C6: variants seen among roughly 807,000 people sequenced by gnomAD.
C6 encodes the protein complement component C6.
Under a neutral mutation model 112.9 loss-of-function variants are expected in C6, and 101 were observed. That is an observed-to-expected ratio of 0.89 (90% CI 0.76 to 1.06). The LOEUF is 1.06. Ranked by LOEUF, C6 falls within the 50% of genes least tolerant of loss-of-function variation. C6 has a pLI of 0.00. For missense variants in C6, 1,202 were observed against 1,104.6 expected (o/e 1.09, Z -1.25); for synonymous variants, 431 against 384.1 (o/e 1.12, Z -1.43).
intron 15 of C6, among the ~76,000 whole-genome samples, chr5:41,150,816 GGCAGAGGTT>G (rs1326141023): frequency 1.3e-5 from 2 of 151,824 alleles, no homozygotes; most frequent in Non-Finnish European, 1.5e-5. Context: ...GAACCCGGGA[GGCAGAGGTT>G]GCAGTGAGCC....
chr5:41,222,921 CCTAA>C (rs1356993325), intron 1 of C6, among the ~76,000 whole-genome samples: 5 of 152,252 alleles, frequency 3.3e-5, no homozygotes, highest in African/African-American at 9.6e-5. Flanking sequence ...AATTTAATAT[CCTAA>C]CTGTGTTCAT....
chr5:41,258,088 A>G (rs536095862), intron 1 of C6, among the ~76,000 whole-genome samples: 1 of 152,268 alleles, frequency 6.6e-6, no homozygotes, highest in Admixed American at 6.5e-5. Context: ...TGGTCTTCAC[A>G]AGCAAAAATT....
chr5:41,260,177 A>C (rs1741958457), intron 1 of C6, among the ~76,000 whole-genome samples: 1 of 152,096 alleles, frequency 6.6e-6, no homozygotes, highest in African/African-American at 2.4e-5. Flanking sequence ...CTATAAGCTT[A>C]TTATAAGGTA....
chr5:41,219,004 T>A (rs191760971), intron 1 of C6, among the ~76,000 whole-genome samples: 27 of 152,320 alleles, frequency 1.8e-4, no homozygotes, highest in African/African-American at 5.8e-4. Context: ...CTAACTAGGA[T>A]GTATTTTATG....
chr5:41,208,375 C>T (rs979973097), intron 1 of C6, among the ~76,000 whole-genome samples: 5 of 152,018 alleles, frequency 3.3e-5, no homozygotes, highest in Non-Finnish European at 7.4e-5. Flanking sequence ...AAGATCAGAG[C>T]AGAACTGAAG....
intron 9 of C6, among the ~76,000 whole-genome samples, chr5:41,166,498 A>G (rs558451424): frequency 2.0e-4 from 30 of 152,280 alleles, no homozygotes; most frequent in Non-Finnish European, 2.9e-4. Context: ...CAAGAGTTCA[A>G]TAAATGTTAA....
intron 12 of C6, 26 bp from the exon 13 acceptor site, chr5:41,158,811 G>T: frequency 8.0e-7 from 1 of 1,254,562 alleles, no homozygotes; most frequent in Non-Finnish European, 1.2e-6. Context: ...AAATATGTGT[G>T]TATATGTATG....
intron 1 of C6, among the ~76,000 whole-genome samples, chr5:41,260,511 T>C (rs923320105): frequency 2.2e-4 from 33 of 149,126 alleles, no homozygotes; most frequent in Non-Finnish European, 4.4e-4. Context: ...GGCTCATGCT[T>C]GTAATCCCAG....
intron 1 of C6, among the ~76,000 whole-genome samples, chr5:41,240,316 T>G (rs555519261): frequency 1.5e-4 from 23 of 152,140 alleles, no homozygotes; most frequent in African/African-American, 5.1e-4. Flanking sequence ...CCCTGAGCAG[T>G]GTACACAGCC....
chr5:41,205,426 G>T (rs531259272), intron 1 of C6, among the ~76,000 whole-genome samples: 2 of 152,312 alleles, frequency 1.3e-5, no homozygotes, highest in South Asian at 4.1e-4. Flanking sequence ...GCGGGACATC[G>T]CCTCACCTGG....
chr5:41,216,411 T>A (rs1752197078), upstream of C6, among the ~76,000 whole-genome samples: 2 of 152,160 alleles, frequency 1.3e-5, no homozygotes, highest in African/African-American at 4.8e-5. Context: ...ATTCTCTTCC[T>A]ACACCCATCT....
intron 8 of C6, among the ~76,000 whole-genome samples, chr5:41,173,344 T>G (rs1748585737): frequency 6.6e-6 from 1 of 152,206 alleles, no homozygotes; most frequent in Admixed American, 6.6e-5. Flanking sequence ...GTGATCATTC[T>G]CAATGGCCTC....
At chr5:41,258,343 T>C (rs1741845026) in intron 1 of C6, among the ~76,000 whole-genome samples, 2 of 152,040 alleles carry the variant, frequency 1.3e-5, no homozygotes, top group African/African-American at 4.8e-5. Flanking sequence ...TTGTTTTTTG[T>C]TTTTATTTTT....
chr5:41,219,241 C>T (rs1402909013), intron 1 of C6, among the ~76,000 whole-genome samples: 1 of 152,004 alleles, frequency 6.6e-6, no homozygotes, highest in Non-Finnish European at 1.5e-5. Context: ...GATTCTTTAC[C>T]TCCTAGGGTG....
chr5:41,239,015 T>A (rs954129016), intron 1 of C6, among the ~76,000 whole-genome samples: 2 of 152,118 alleles, frequency 1.3e-5, no homozygotes, highest in Admixed American at 6.5e-5. Flanking sequence ...GGGGTAAATG[T>A]AACATTTTGT....
At chr5:41,226,751 T>C (rs1283389374) in intron 1 of C6, among the ~76,000 whole-genome samples, 1 of 152,182 alleles carries the variant, frequency 6.6e-6, no homozygotes, top group Non-Finnish European at 1.5e-5. Flanking sequence ...TGTAGTGTCC[T>C]CCAGGTTCAT....
intron 17 of C6, among the ~76,000 whole-genome samples, chr5:41,148,389 T>C (rs1001574013): frequency 6.6e-6 from 1 of 152,208 alleles, no homozygotes; most frequent in African/African-American, 2.4e-5. Flanking sequence ...TTTTAAAAAT[T>C]TGTAGTATAT....
Position 41,158,005 on chromosome 5 carries a change from A to G in C6, c.1968+669T>C, listed in dbSNP as rs1747081322. Among the ~76,000 whole-genome samples, 3 of 152,164 alleles carry G rather than the reference A, an allele frequency of 2.0e-5. No homozygotes were observed. In the South Asian group the frequency reaches 6.2e-4, roughly 31 times the overall value. On this transcript the variant is annotated intron_variant, in intron 13 of 17. Coordinates refer to ENST00000337836, the MANE Select transcript of C6 (RefSeq NM_000065.5). ...TTATTGATCTTTTATCATAAGTGTGATACAGTTGGGAAAAGATTAATGTAA... is the reference window on the plus strand; with the variant it reads ...TTATTGATCTTTTATCATAAGTGTGGTACAGTTGGGAAAAGATTAATGTAA...
At chr5:41,229,078 G>T (rs1337372797) in intron 1 of C6, among the ~76,000 whole-genome samples, 8 of 152,092 alleles carry the variant, frequency 5.3e-5, no homozygotes, top group Non-Finnish European at 1.2e-4. Context: ...TAGTGCCACT[G>T]CACTCCAGCT....
Sources: gnomAD v4.1 joint callset for allele counts (sites outside exome capture counted in the v4.1 genomes callset) on GRCh38, gnomAD v4.1.1 for gene constraint, MANE v1.5 for transcripts, NCBI Gene and HGNC (gene_info 2026-07-23, HGNC 2026-07-21) for gene names.